Variants in POU6F2 observed in about 807,000 individuals in gnomAD.
POU6F2 encodes POU domain, class 6, transcription factor 2.
In POU6F2, 31 loss-of-function variants were observed where a neutral mutation model predicts 71.3. That is an observed-to-expected ratio of 0.43 (90% CI 0.33 to 0.59). The LOEUF (loss-of-function observed/expected upper bound fraction) is 0.59, where lower values mean the gene tolerates loss of function less well. POU6F2 is among the 20% of genes least tolerant of loss of function. The pLI, the probability that POU6F2 is intolerant of heterozygous loss-of-function variation, is 0.04. For synonymous variants in POU6F2, 347 were observed against 355.7 expected (o/e 0.98, Z 0.27); for missense variants, 783 against 856.8 (o/e 0.91, Z 1.07).
chr7:39,223,366 T>C (rs540656267), intron 4 of POU6F2, among the ~76,000 whole-genome samples: 6 of 152,338 alleles, frequency 3.9e-5, no homozygotes, highest in South Asian at 2.1e-4. Context: ...TATATACAAC[T>C]GTGTTATATA....
At chr7:39,156,207 G>A (rs997336553) in intron 2 of POU6F2, among the ~76,000 whole-genome samples, 2 of 152,136 alleles carry the variant, frequency 1.3e-5, no homozygotes, top group African/African-American at 4.8e-5. Flanking sequence ...TCTAAGATTA[G>A]TGGATTACAG....
intron 1 of POU6F2, among the ~76,000 whole-genome samples, chr7:39,067,647 T>G (rs1790786137): frequency 6.6e-6 from 1 of 152,110 alleles, no homozygotes; most frequent in East Asian, 1.9e-4. Context: ...AAGTATGTAT[T>G]TATAGCCCAG....
Position 39,208,418 on chromosome 7 carries a change from A to G in POU6F2, c.598+798A>G, listed in dbSNP as rs183926611. Reference sequence around the variant, plus strand: ...CTAGTCAAAGATGTTTGTTTTCTTCATATATATATAAAATTAACAATTAAA... The same window carrying G: ...CTAGTCAAAGATGTTTGTTTTCTTCGTATATATATAAAATTAACAATTAAA... On this transcript the variant is annotated intron_variant, in intron 4 of 9. Coordinates refer to ENST00000518318, the MANE Select transcript of POU6F2 (RefSeq NM_001370959.1). Among the ~76,000 whole-genome samples, 207 of 152,118 alleles carry G rather than the reference A, an allele frequency of 1.4e-3. 2 individuals are homozygous for G. The highest frequency in any genetic ancestry group is 4.4e-4 in the Non-Finnish European group (30 of 67,914).
intron 1 of POU6F2, among the ~76,000 whole-genome samples, chr7:39,002,928 C>T (rs763590638): frequency 4.2e-4 from 64 of 152,296 alleles, no homozygotes; most frequent in Non-Finnish European, 1.6e-4. Context: ...ATGAAAAGAG[C>T]GTTTTAAAAT....
chr7:39,066,986 T>C (rs958800576), intron 1 of POU6F2, among the ~76,000 whole-genome samples: 3 of 148,000 alleles, frequency 2.0e-5, no homozygotes, highest in African/African-American at 7.3e-5. Flanking sequence ...TATATATGCA[T>C]TGTATATAAT....
rs141176383 is a variant in POU6F2 at position 39,239,626 on chromosome 7, G to A, written c.598+32006G>A. 2.4e-3 allele frequency among the ~76,000 whole-genome samples: 358 copies of A among 152,178 alleles called. 2 individuals carry two copies. Among genetic ancestry groups the A allele is most frequent in the Non-Finnish European group, 4.2e-3 (283 of 67,990 alleles). The stretch of plus-strand genomic sequence containing the variant: ...GGGAAGGGATTGTGGACTTATATCT[G>A]CCTCATGGAGTTTATGAGGATTAAA... On this transcript the variant is annotated intron_variant, in intron 4 of 9. Transcript: ENST00000518318.
At chr7:39,008,461 A>G (rs1220163042) in intron 1 of POU6F2, among the ~76,000 whole-genome samples, 7 of 150,488 alleles carry the variant, frequency 4.7e-5, no homozygotes, top group Non-Finnish European at 7.5e-5. Context: ...ATTTTCTCCC[A>G]TTTTGTAGGT....
At chr7:39,271,612 T>G (rs4283935) in intron 4 of POU6F2, among the ~76,000 whole-genome samples, 1 of 151,236 alleles carries the variant, frequency 6.6e-6, no homozygotes, top group African/African-American at 2.4e-5. Flanking sequence ...GTGTGAGCCG[T>G]GGGGAGCAGC....
intron 1 of POU6F2, among the ~76,000 whole-genome samples, chr7:39,015,558 AGATC>A: frequency 3.1e-5 from 2 of 65,370 alleles, no homozygotes; most frequent in African/African-American, 5.4e-5. Context: ...TGTTTTATAT[AGATC>A]TACATTATAG....
intron 4 of POU6F2, among the ~76,000 whole-genome samples, chr7:39,290,291 C>A (rs1046837245): frequency 6.6e-6 from 1 of 152,154 alleles, no homozygotes; most frequent in Non-Finnish European, 1.5e-5. Context: ...CGGAAACATT[C>A]TTGTTGCCAC....
chr7:39,376,376 G>A (rs918340150), intron 5 of POU6F2, among the ~76,000 whole-genome samples: 1 of 152,180 alleles, frequency 6.6e-6, no homozygotes, highest in Non-Finnish European at 1.5e-5. Flanking sequence ...TGTGTTGGAG[G>A]AGTGAGTAGT....
At chr7:39,351,540 T>C (rs1192414916) in intron 5 of POU6F2, among the ~76,000 whole-genome samples, 1 of 152,220 alleles carries the variant, frequency 6.6e-6, no homozygotes, top group Non-Finnish European at 1.5e-5. Flanking sequence ...TTGCTACTGA[T>C]TGAGAGCCCA....
At chr7:39,083,446 G>A (rs1428858378) in intron 1 of POU6F2, 1 of 152,066 alleles carries the variant, frequency 6.6e-6, no homozygotes, top group Non-Finnish European at 1.5e-5. Context: ...ATCACATGAC[G>A]AGTATACTTA....
intron 4 of POU6F2, among the ~76,000 whole-genome samples, chr7:39,227,766 C>T (rs1461750704): frequency 2.0e-5 from 3 of 152,006 alleles, no homozygotes; most frequent in Admixed American, 2.0e-4. Context: ...ACTGTGTTAG[C>T]GAGGATGGTC....
rs147160630 is a variant in POU6F2, at chr7:39,295,178, C to T, written c.599-44464C>T. ...TTTTTTTTTTTCAAAATATTTAGTC[C>T]AAATTGTCTTTTCCACAGTTATCAG... On this transcript the variant is annotated intron_variant, in intron 4 of 9. Coordinates refer to ENST00000518318, the MANE Select transcript of POU6F2 (RefSeq NM_001370959.1). Among the ~76,000 whole-genome samples, 339 of 151,254 alleles carry T rather than the reference C, an allele frequency of 2.2e-3. 1 individual carries two copies. Among genetic ancestry groups the T allele is most frequent in the Non-Finnish European group, 3.9e-3 (266 of 67,866 alleles).
intron 6 of POU6F2, among the ~76,000 whole-genome samples, chr7:39,413,557 C>CA (rs889933169): frequency 4.0e-5 from 6 of 149,738 alleles, no homozygotes; most frequent in Admixed American, 6.7e-5. Context: ...TTTTATAAGC[C>CA]AAAAAAAAAT....
chr7:39,107,306 A>G (rs1791711380), intron 2 of POU6F2, among the ~76,000 whole-genome samples: 1 of 151,736 alleles, frequency 6.6e-6, no homozygotes, highest in Non-Finnish European at 1.5e-5. Context: ...AAGCCTCCCA[A>G]AGTATTGGAA....
intron 4 of POU6F2, among the ~76,000 whole-genome samples, chr7:39,316,655 G>A (rs1583519273): frequency 6.6e-6 from 1 of 152,236 alleles, no homozygotes; most frequent in East Asian, 1.9e-4. Context: ...GTAGCTCACA[G>A]TCCTCTGTGT....
chr7:39,025,017 C>T lies in POU6F2; in HGVS notation c.105+46959C>T, dbSNP rs577754034. The stretch of plus-strand genomic sequence containing the variant: ...TTTGGTATCAGGATGATGCTGGCCT[C>T]ATAAAATGAGTTAGGGAGGATTCCC... On this transcript the variant is annotated intron_variant, in intron 1 of 9. Coordinates refer to ENST00000518318, the MANE Select transcript of POU6F2 (RefSeq NM_001370959.1). Among the ~76,000 whole-genome samples, 23 of 152,220 alleles carry T rather than the reference C, an allele frequency of 1.5e-4. 1 individual carries two copies. Among genetic ancestry groups the T allele is most frequent in the Non-Finnish European group, 2.8e-4 (19 of 68,004 alleles).
Sources: allele counts gnomAD v4.1 joint callset (sites outside exome capture counted in the v4.1 genomes callset), GRCh38; gene constraint gnomAD v4.1.1; transcripts MANE v1.5; gene names NCBI Gene and HGNC (gene_info 2026-07-23, HGNC 2026-07-21).